Variants in LAMA5 observed in about 807,000 individuals in gnomAD.
LAMA5 encodes the protein laminin subunit alpha 5, also known as laminin subunit alpha-5.
In LAMA5, 260 loss-of-function variants were observed where a neutral mutation model predicts 433.4. The observed-to-expected ratio is 0.60, with a 90% CI of 0.54 to 0.66. LAMA5 has a LOEUF of 0.66. LAMA5 is among the 30% of genes least tolerant of loss of function. LAMA5 has a pLI of 0.00. For missense variants in LAMA5, 5,378 were observed against 5,258.5 expected (o/e 1.02, Z -0.70); for synonymous variants, 2,620 against 2,226.6 (o/e 1.18, Z -4.97).
chr20:62,354,483 G>A (rs62199217), intron 2 of LAMA5, among the ~76,000 whole-genome samples: 34,240 of 151,886 alleles, frequency 0.23, 3,945 homozygotes, highest in Non-Finnish European at 0.25. Flanking sequence ...GCCTGCACCT[G>A]GGGGTGCACA....
chr20:62,333,357 C>G lies in LAMA5; in HGVS notation c.3128+18G>C. 6.2e-7 allele frequency: 1 copy of G among 1,611,526 alleles called. No homozygotes were observed. The highest frequency in any genetic ancestry group is 8.5e-7 in the Non-Finnish European group (1 of 1,179,008). On this transcript the variant is annotated intron_variant, in intron 25 of 79. Transcript: ENST00000252999. ...CAGGAAGCCCCCACCCCGGTCCCAC[C>G]GCACGCATGGCCCTCACTTGTCGCC...
intron 62 of LAMA5, 126 bp from the exon 63 acceptor site, chr20:62,313,928 CGAG>C (rs1410797869): frequency 1.9e-5 from 15 of 775,444 alleles, no homozygotes; most frequent in African/African-American, 5.7e-5. Flanking sequence ...CACGGAGAGA[CGAG>C]GGGTGGCGAG....
intron 2 of LAMA5, chr20:62,355,540 G>C (rs943048556): frequency 6.6e-6 from 1 of 152,356 alleles, no homozygotes; most frequent in Non-Finnish European, 1.5e-5. Context: ...CCTTCTCGGA[G>C]GGCTTGGCGT....
rs765433858 is a variant in LAMA5, at chr20:62,320,607, C to G, written c.6711G>C (p.Glu2237Asp). The part of the protein sequence containing the change: ...HETAQQLEVL[E>D]QQSTSLGQDA... ...CCTGCCCGAGGCTTGTGCTCTGCTG[C>G]TCCAGCACCTCCAGCTGCTGTGCCG... The change falls in exon 50 of 80, where the codon GAG (glutamate) becomes GAC (aspartate). Residue 2237 changes from glutamate (E) to aspartate (D), a missense_variant. By Grantham distance (45) the Glu-to-Asp change is conservative (BLOSUM62 2). Coordinates refer to ENST00000252999, the MANE Select transcript of LAMA5 (RefSeq NM_005560.6). 4 of 1,607,662 alleles carry G rather than the reference C, an allele frequency of 2.5e-6. No homozygotes were observed.
chr20:62,335,545 C>CA lies in LAMA5; in HGVS notation c.2324-277dup, dbSNP rs563208564. 1.0e-3 allele frequency among the ~76,000 whole-genome samples: 154 copies of CA among 148,266 alleles called. 1 individual carries two copies. Among genetic ancestry groups the CA allele is most frequent in the Non-Finnish European group, 1.4e-3 (94 of 66,830 alleles). On this transcript the variant is annotated intron_variant, in intron 18 of 79. Transcript: ENST00000252999. ...CCCAATACTCCCTCTAGAGCACACT[C>CA]AGACTCCAGCCCCCCCCCAGGAACC...
rs1350360983 is a variant in LAMA5, at chr20:62,324,412, C to T, written c.5643+29G>A. 8.4e-6 allele frequency: 13 copies of T among 1,545,302 alleles called. No individual in the cohort carries two copies. Among genetic ancestry groups the T allele is most frequent in the Non-Finnish European group, 1.2e-5 (13 of 1,124,746 alleles). ...TTGACTGTGCCTTCAGTGAATGCTG[C>T]CCCCCTGGCCCCACCAGCCCCTACT... On this transcript the variant is annotated intron_variant, in intron 42 of 79. Transcript: ENST00000252999. This position sits in a 1 kb window ranked among gnomAD's most constrained non-coding sequence, Gnocchi z 4.4.
intron 9 of LAMA5, 34 bp downstream of exon 9, chr20:62,346,472 G>C: frequency 6.5e-7 from 1 of 1,540,034 alleles, no homozygotes; most frequent in Non-Finnish European, 8.8e-7. Flanking sequence ...CAGACCCTGA[G>C]ACCCAGGACA....
Position 62,314,632 on chromosome 20 carries a change from A to C in LAMA5, c.8290T>G (p.Phe2764Val). 1.9e-6 allele frequency: 3 copies of C among 1,612,578 alleles called. No individual in the cohort carries two copies. The highest frequency in any genetic ancestry group is 2.5e-6 in the Non-Finnish European group (3 of 1,179,914). ...TCAGGCTCTGGGCCCTGCAGGTAGAACTTGAGGGCAGTGTAGGCAGCAAGG... is the reference window on the plus strand; with the variant it reads ...TCAGGCTCTGGGCCCTGCAGGTAGACCTTGAGGGCAGTGTAGGCAGCAAGG... ...ADLAAYTALK[F>V]YLQGPEPEPG... The change falls in exon 61 of 80, where the codon TTC becomes GTC. Residue 2764 changes from phenylalanine (F) to valine (V), a missense_variant. Physicochemically the swap from Phe to Val is conservative, Grantham distance 50. Coordinates refer to ENST00000252999, the MANE Select transcript of LAMA5 (RefSeq NM_005560.6).
intron 1 of LAMA5, among the ~76,000 whole-genome samples, chr20:62,365,746 A>G (rs2146386624): frequency 6.6e-6 from 1 of 152,304 alleles, no homozygotes; most frequent in Admixed American, 6.5e-5. Flanking sequence ...GGGGGGCTCC[A>G]AGCAGGTGTC....
intron 11 of LAMA5, among the ~76,000 whole-genome samples, chr20:62,340,054 G>A (rs970624359): frequency 1.6e-4 from 24 of 152,246 alleles, no homozygotes; most frequent in Non-Finnish European, 2.6e-4. Flanking sequence ...AAGGCACAGC[G>A]GTAACGAGAC....
chr20:62,337,552 G>T, intron 16 of LAMA5, 38 bp downstream of exon 16: 2 of 1,567,174 alleles, frequency 1.3e-6, no homozygotes, highest in Non-Finnish European at 1.7e-6. Flanking sequence ...CCACACACAG[G>T]CCCGGCACCT....
At position 62,352,012 on chromosome 20, in the gene LAMA5, T is replaced by G; in HGVS notation, c.755A>C (p.Glu252Ala). The G allele has an allele frequency of 6.2e-7, 1 of 1,612,672 alleles. No individual in the cohort carries two copies. The highest frequency in any genetic ancestry group is 1.1e-5 in the South Asian group (1 of 91,066). Residue 252 changes from glutamate to alanine, a missense_variant, in exon 5 of 80, where the codon GAG becomes GCG. Coordinates refer to ENST00000252999, the MANE Select transcript of LAMA5 (RefSeq NM_005560.6). ...MNFSYSPLLR[E>A]FTKATNVRLR... ...GCGGACGTTGGTGGCCTTGGTGAACTCACGTAGCAGCGGCGAGTAGGAGAA... is the reference window on the plus strand; with the variant it reads ...GCGGACGTTGGTGGCCTTGGTGAACGCACGTAGCAGCGGCGAGTAGGAGAA...
At chr20:62,318,717 C>CT in intron 52 of LAMA5, 67 bp from the exon 53 acceptor site, 6 of 1,579,084 alleles carry the variant, frequency 3.8e-6, no homozygotes, top group Non-Finnish European at 4.3e-6. Flanking sequence ...CTGGTCTCCA[C>CT]TTGGTGCCCG....
At chr20:62,320,431 C>T (rs1349814566) in intron 50 of LAMA5, 128 bp downstream of exon 50, 20 of 678,282 alleles carry the variant, frequency 2.9e-5, no homozygotes, top group Middle Eastern at 4.0e-4. Context: ...CTAAGACTCT[C>T]GAGCTCCTGT....
At chr20:62,365,615 T>C (rs142417481) in intron 1 of LAMA5, among the ~76,000 whole-genome samples, 9,637 of 152,088 alleles carry the variant, frequency 0.063, 332 homozygotes, top group South Asian at 0.18. Context: ...TGGCAGCAGG[T>C]AAGGAGACAG....
In LAMA5 at chr20:62,318,894, G is replaced by A. The variant is rs2146093232; in HGVS notation, c.6991C>T (p.Leu2331=). 2 of 1,607,256 alleles carry A rather than the reference G, an allele frequency of 1.2e-6. No individual in the cohort carries two copies. The highest frequency in any genetic ancestry group is 4.5e-5 in the East Asian group (2 of 44,796). Residue 2331 remains leucine, a synonymous_variant, in exon 52 of 80, where the codon CTG becomes TTG. Transcript: ENST00000252999. ...RLLWEMRARD[L]GAPQAAAEAE... is the part of the protein sequence containing the mutation. ...TCAGCTGCTGCCTGCGGGGCCCCCA[G>A]GTCCCGGGCCCGCATCTCCCAGAGC...
intron 7 of LAMA5, 31 bp from the exon 8 acceptor site, chr20:62,346,831 G>A (rs939551544): frequency 1.3e-5 from 21 of 1,606,822 alleles, no homozygotes; most frequent in South Asian, 2.2e-5. Flanking sequence ...CTGTTGGCAC[G>A]CCCTCCACAG....
Position 62,327,532 on chromosome 20 carries a change from C to T in LAMA5, c.4935G>A (p.Gln1645=), listed in dbSNP as rs1336094591. 7 of 1,612,758 alleles carry T rather than the reference C, an allele frequency of 4.3e-6. No individual in the cohort carries two copies. Among genetic ancestry groups the T allele is most frequent in the Non-Finnish European group, 5.9e-6 (7 of 1,179,976 alleles). The change falls in exon 37 of 80, where the codon CAG becomes CAA. Residue 1645 remains glutamine (Q), a synonymous_variant. Coordinates refer to ENST00000252999, the MANE Select transcript of LAMA5 (RefSeq NM_005560.6). ...ERCRSSSYTR[Q]EFVDMEGWVL... ...GCCCTCAGTCCTGCAGGCGCACCTC[C>T]TGGCGGGTGTAGGACGAGCTCCGGC...
chr20:62,311,926 G>A lies in LAMA5; in HGVS notation c.9629C>T (p.Ala3210Val), dbSNP rs373264472. The change falls in exon 70 of 80, where the codon GCC becomes GTC. Residue 3210 changes from alanine (A) to valine (V), a missense_variant. By Grantham distance (64) the Ala-to-Val change is moderately conservative. Coordinates refer to ENST00000252999, the MANE Select transcript of LAMA5 (RefSeq NM_005560.6). Reference sequence around the variant, plus strand: ...GCCCAGCGGCCAGGCTCACCCCGTGGCATTGCTGTAGAAGGCGACGTAATG... The same window carrying A: ...GCCCAGCGGCCAGGCTCACCCCGTGACATTGCTGTAGAAGGCGACGTAATG... ...APHYVAFYSN[A>V]TGVWLYVDDQ... The A allele has an allele frequency of 1.5e-5, 24 of 1,610,864 alleles. No individual in the cohort carries two copies. The highest frequency in any genetic ancestry group is 2.2e-5 in the East Asian group (1 of 44,882).
Sources: gnomAD v4.1 joint callset for allele counts (sites outside exome capture counted in the v4.1 genomes callset) on GRCh38, gnomAD v4.1.1 for gene constraint, Gnocchi (gnomAD v3.1) non-coding constraint, MANE v1.5 for transcripts, NCBI Gene and HGNC (gene_info 2026-07-23, HGNC 2026-07-21) for gene names.